VWA8: variants seen among roughly 807,000 people sequenced by gnomAD.
VWA8 encodes von Willebrand factor A domain containing 8, also known as von Willebrand factor A domain-containing protein 8.
In VWA8, 221 loss-of-function variants were observed where a neutral mutation model predicts 241.5. That is an observed-to-expected ratio of 0.91 (90% CI 0.82 to 1.02). The LOEUF (loss-of-function observed/expected upper bound fraction) is 1.02. Among genes scored for constraint, VWA8 ranks in the 50% least tolerant of loss-of-function variants. The probability of loss-of-function intolerance (pLI) is 0.00; values close to 1 mark genes in which losing one functional copy is unlikely to be tolerated. For missense variants in VWA8, 2,322 were observed against 2,328.7 expected (o/e 1.00, Z 0.06); for synonymous variants, 852 against 827.1 (o/e 1.03, Z -0.52).
intron 20 of VWA8, among the ~76,000 whole-genome samples, chr13:41,775,087 A>G (rs1445681040): frequency 1.3e-5 from 2 of 152,184 alleles, no homozygotes; most frequent in African/African-American, 4.8e-5. Flanking sequence ...TCTGAGGAAA[A>G]AAAGCATTTA....
chr13:41,684,702 G>A (rs1170187449), intron 35 of VWA8, among the ~76,000 whole-genome samples: 1 of 152,158 alleles, frequency 6.6e-6, no homozygotes, highest in African/African-American at 2.4e-5. Context: ...ATAAGCCCCT[G>A]ACTTTCAGTC....
At chr13:41,858,325 G>C (rs992800154) in intron 12 of VWA8, among the ~76,000 whole-genome samples, 1 of 152,152 alleles carries the variant, frequency 6.6e-6, no homozygotes, top group Non-Finnish European at 1.5e-5. Flanking sequence ...GAGAAACTGG[G>C]CCAGGAGCAG....
chr13:41,883,052 T>C (rs1874340420), intron 9 of VWA8, among the ~76,000 whole-genome samples: 1 of 152,138 alleles, frequency 6.6e-6, no homozygotes, highest in Non-Finnish European at 1.5e-5. Flanking sequence ...CTTTCCATGG[T>C]TATAAATCCC....
chr13:41,621,713 A>G (rs964825645), intron 37 of VWA8, among the ~76,000 whole-genome samples: 1 of 152,318 alleles, frequency 6.6e-6, no homozygotes, highest in Non-Finnish European at 1.5e-5. Flanking sequence ...CTACAAATGA[A>G]GGCACAAAGT....
chr13:41,961,023 G>T lies in VWA8; in HGVS notation c.-8C>A, dbSNP rs766549913. On this transcript the variant is annotated 5_prime_UTR_variant, in exon 1 of 45. Coordinates refer to ENST00000379310, the MANE Select transcript of VWA8 (RefSeq NM_015058.2). ...TAGAAGCCGGGATTGCATGGCGCCG[G>T]GGGGGCTGTCGGGGACGGCGAGGGG... is the stretch of plus-strand genomic sequence containing the variant. 1.6e-5 allele frequency: 22 copies of T among 1,364,758 alleles called. No individual in the cohort carries two copies. Among genetic ancestry groups the T allele is most frequent in the South Asian group, 1.0e-4 (6 of 58,070 alleles). The allele number at this position is 1,364,758 out of a possible 1,614,324, so 84.5% of individuals were successfully genotyped here.
At chr13:41,921,209 C>T (rs182897118) in intron 2 of VWA8, among the ~76,000 whole-genome samples, 3 of 152,292 alleles carry the variant, frequency 2.0e-5, no homozygotes, top group Admixed American at 1.3e-4. Flanking sequence ...TCAATAGATG[C>T]AGAAAAGGCC....
chr13:41,888,608 A>C (rs987017904), intron 5 of VWA8, among the ~76,000 whole-genome samples: 1 of 152,178 alleles, frequency 6.6e-6, no homozygotes, highest in Non-Finnish European at 1.5e-5. Context: ...AAACATCTTC[A>C]TATCTTCATA....
chr13:41,810,182 C>T (rs1320818820), intron 17 of VWA8, among the ~76,000 whole-genome samples: 4 of 151,904 alleles, frequency 2.6e-5, no homozygotes, highest in Non-Finnish European at 5.9e-5. Context: ...CTATAGAGAA[C>T]TATATGGAGT....
intron 26 of VWA8, among the ~76,000 whole-genome samples, chr13:41,710,661 C>T (rs1223111209): frequency 6.6e-6 from 1 of 152,086 alleles, no homozygotes; most frequent in African/African-American, 2.4e-5. Flanking sequence ...ACGATCAACA[C>T]CATGAACTTA....
At chr13:41,834,377 T>C (rs1234403001) in intron 12 of VWA8, among the ~76,000 whole-genome samples, 2 of 152,264 alleles carry the variant, frequency 1.3e-5, no homozygotes, top group African/African-American at 4.8e-5. Flanking sequence ...CAGTCATTTT[T>C]ATCCAAATAT....
intron 3 of VWA8, among the ~76,000 whole-genome samples, chr13:41,911,058 CTTTCT>C (rs1263316681): frequency 5.5e-4 from 72 of 131,636 alleles, no homozygotes; most frequent in Admixed American, 1.1e-3. Flanking sequence ...TGTACATTTT[CTTTCT>C]TTTTTTTTTT....
intron 42 of VWA8, among the ~76,000 whole-genome samples, chr13:41,582,471 G>C (rs1471160751): frequency 6.6e-6 from 1 of 152,160 alleles, no homozygotes; most frequent in Non-Finnish European, 1.5e-5. Context: ...AGGGATAACT[G>C]CAGGAAGACA....
intron 34 of VWA8, among the ~76,000 whole-genome samples, chr13:41,688,690 A>G (rs1215895395): frequency 2.0e-5 from 3 of 152,138 alleles, no homozygotes; most frequent in Non-Finnish European, 4.4e-5. Context: ...TTAATCTACA[A>G]TAATGACAAT....
chr13:41,950,184 A>G (rs962882509), intron 1 of VWA8, among the ~76,000 whole-genome samples, 171 bp from the exon 2 acceptor site: 5 of 152,224 alleles, frequency 3.3e-5, no homozygotes, highest in African/African-American at 1.2e-4. Flanking sequence ...GTATATATGT[A>G]TAAAGGAGAA....
chr13:41,856,275 A>G (rs56206615), intron 12 of VWA8, among the ~76,000 whole-genome samples: 9,302 of 152,204 alleles, frequency 0.061, 355 homozygotes, highest in East Asian at 0.11. Flanking sequence ...GGCAGACACT[A>G]CAGTGAGCTG....
intron 2 of VWA8, among the ~76,000 whole-genome samples, chr13:41,925,225 T>G (rs978216040): frequency 1.3e-5 from 2 of 152,180 alleles, no homozygotes; most frequent in Admixed American, 6.5e-5. Flanking sequence ...CTGAGAGAAT[T>G]CATCACCACT....
chr13:41,914,822 A>G (rs2138117612), intron 2 of VWA8, among the ~76,000 whole-genome samples: 1 of 152,328 alleles, frequency 6.6e-6, no homozygotes, highest in East Asian at 1.9e-4. Context: ...CAAAATTTGT[A>G]AAGTTCTAGA....
intron 4 of VWA8, among the ~76,000 whole-genome samples, chr13:41,896,438 C>G (rs530273079): frequency 6.6e-6 from 1 of 151,892 alleles, no homozygotes; most frequent in Non-Finnish European, 1.5e-5. Flanking sequence ...AATCCAATAA[C>G]TCAAAGGCAG....
At chr13:41,932,767 A>G (rs1427418484) in intron 2 of VWA8, among the ~76,000 whole-genome samples, 1 of 151,990 alleles carries the variant, frequency 6.6e-6, no homozygotes, top group Non-Finnish European at 1.5e-5. Flanking sequence ...GACATCCAAC[A>G]TCTCTTCCAG....
Sources: gnomAD v4.1 joint callset for allele counts (sites outside exome capture counted in the v4.1 genomes callset) on GRCh38, gnomAD v4.1.1 for gene constraint, MANE v1.5 for transcripts, NCBI Gene and HGNC (gene_info 2026-07-23, HGNC 2026-07-21) for gene names.